PDE1C: variants seen among roughly 807,000 people sequenced by gnomAD.
PDE1C encodes the protein phosphodiesterase 1C.
PDE1C carries 62 observed loss-of-function variants against 93.1 expected under a neutral mutation model. The observed-to-expected ratio is 0.67, with a 90% confidence interval of 0.54 to 0.82. PDE1C has a LOEUF of 0.82. Among genes scored for constraint, PDE1C ranks in the 40% least tolerant of loss-of-function variants. PDE1C has a pLI of 0.00. For missense variants in PDE1C, 742 were observed against 884.6 expected (o/e 0.84, Z 2.04); for synonymous variants, 325 against 310.1 (o/e 1.05, Z -0.50).
At chr7:32,266,962 G>A (rs1011664845) in intron 1 of PDE1C, among the ~76,000 whole-genome samples, 4 of 152,204 alleles carry the variant, frequency 2.6e-5, no homozygotes, top group African/African-American at 9.6e-5. Flanking sequence ...AGAAGATTGG[G>A]TGGAAGCCCC....
chr7:32,282,077 C>T (rs1161898465), intron 1 of PDE1C, among the ~76,000 whole-genome samples: 2 of 150,764 alleles, frequency 1.3e-5, no homozygotes, highest in Admixed American at 6.6e-5. Context: ...TTAATGGGTG[C>T]AGCAAACCAA....
intron 1 of PDE1C, among the ~76,000 whole-genome samples, chr7:32,382,780 T>C (rs911937625): frequency 3.3e-5 from 5 of 152,202 alleles, no homozygotes; most frequent in African/African-American, 1.2e-4. Context: ...TTGAAAAATT[T>C]AGAAACGTTC....
chr7:32,408,697 G>A lies in PDE1C; in HGVS notation c.310+19125C>T, dbSNP rs570364282. 2.6e-5 allele frequency among the ~76,000 whole-genome samples: 4 copies of A among 152,246 alleles called. No homozygotes were observed. The East Asian group carries it at 5.8e-4, about 22-fold the overall frequency. On this transcript the variant is annotated intron_variant, in intron 1 of 1. Coordinates refer to the PDE1C transcript ENST00000672256. ...CCAGCTACTTGGGAGGCTGAGGCAGGAGAATCGCTTGAACCCAGGAGGCGA... is the reference window on the plus strand; with the variant it reads ...CCAGCTACTTGGGAGGCTGAGGCAGAAGAATCGCTTGAACCCAGGAGGCGA...
At chr7:32,261,377 C>A (rs529400052) in intron 1 of PDE1C, among the ~76,000 whole-genome samples, 5 of 152,120 alleles carry the variant, frequency 3.3e-5, no homozygotes, top group Admixed American at 6.5e-5. Context: ...CCATCTCCAA[C>A]CTGACCAATC....
chr7:32,238,776 G>A (rs766811184), intron 1 of PDE1C, among the ~76,000 whole-genome samples: 61 of 152,206 alleles, frequency 4.0e-4, no homozygotes, highest in Non-Finnish European at 8.1e-4. Context: ...TTACAAATTA[G>A]TAGATGCTGG....
chr7:32,060,704 C>T (rs1216202381), intron 1 of PDE1C, among the ~76,000 whole-genome samples: 3 of 134,552 alleles, frequency 2.2e-5, no homozygotes, highest in Non-Finnish European at 3.5e-5. Context: ...GTGCTTTGAA[C>T]GATTCTTTCA....
At chr7:32,390,664 T>A (rs1784733459) in intron 1 of PDE1C, among the ~76,000 whole-genome samples, 1 of 151,274 alleles carries the variant, frequency 6.6e-6, no homozygotes, top group African/African-American at 2.4e-5. Context: ...CTGGGTAACA[T>A]GGCAAAACTT....
At chr7:32,057,995 T>G (rs1318401475) in intron 1 of PDE1C, among the ~76,000 whole-genome samples, 1 of 152,186 alleles carries the variant, frequency 6.6e-6, no homozygotes, top group Admixed American at 6.5e-5. Context: ...GCTGCAATAA[T>G]GAGGTTTATA....
intron 16 of PDE1C, among the ~76,000 whole-genome samples, chr7:31,781,652 G>A (rs1783419157): frequency 6.6e-6 from 1 of 152,038 alleles, no homozygotes; most frequent in African/African-American, 2.4e-5. Flanking sequence ...GCTTCAGGCT[G>A]TGGGAACACT....
chr7:31,763,471 T>C (rs938517145), intron 17 of PDE1C, among the ~76,000 whole-genome samples: 13 of 152,116 alleles, frequency 8.5e-5, no homozygotes, highest in Admixed American at 2.6e-4. Flanking sequence ...AAAAAAACCA[T>C]GGGCTTGGGG....
At chr7:31,682,835 A>C in the PDE1C span, among the ~76,000 whole-genome samples, 2 of 152,212 alleles carry the variant, frequency 1.3e-5, no homozygotes, top group Admixed American at 1.3e-4. Flanking sequence ...ACCTGAATGA[A>C]TCTCCACAGA....
At chr7:32,383,823 C>A (rs1784577065) in intron 1 of PDE1C, among the ~76,000 whole-genome samples, 1 of 152,134 alleles carries the variant, frequency 6.6e-6, no homozygotes, top group Non-Finnish European at 1.5e-5. Context: ...CTGGGTTGAC[C>A]CCTTTGGAGT....
intron 9 of PDE1C, among the ~76,000 whole-genome samples, chr7:31,841,286 T>G (rs1226375622): frequency 6.6e-6 from 1 of 151,714 alleles, no homozygotes; most frequent in Non-Finnish European, 1.5e-5. Context: ...TAATGTTTTT[T>G]ACATTAACCT....
At chr7:32,374,553 G>C (rs1446175271) in intron 1 of PDE1C, among the ~76,000 whole-genome samples, 1 of 152,228 alleles carries the variant, frequency 6.6e-6, no homozygotes, top group Non-Finnish European at 1.5e-5. Context: ...CCAGGCATCA[G>C]AGTGAAAGAG....
the PDE1C span, among the ~76,000 whole-genome samples, chr7:31,651,513 G>A: frequency 6.6e-6 from 1 of 152,142 alleles, no homozygotes; most frequent in Non-Finnish European, 1.5e-5. Flanking sequence ...TTGACAGCAG[G>A]ATGTCTTTAA....
chr7:31,760,023 CT>C (rs1202648716), intron 17 of PDE1C, among the ~76,000 whole-genome samples: 1 of 152,112 alleles, frequency 6.6e-6, no homozygotes, highest in Non-Finnish European at 1.5e-5. Flanking sequence ...TCAAATACAG[CT>C]ATTAGGATTA....
At chr7:32,207,429 A>G (rs974046726) in intron 2 of PDE1C, among the ~76,000 whole-genome samples, 2 of 152,072 alleles carry the variant, frequency 1.3e-5, no homozygotes, top group Non-Finnish European at 2.9e-5. Context: ...CACACCACAC[A>G]ATGAAGGTCA....
chr7:32,298,063 TCCC>T (rs1193436779), intron 1 of PDE1C, among the ~76,000 whole-genome samples: 4 of 36,932 alleles, frequency 1.1e-4, no homozygotes, highest in African/African-American at 1.3e-4. Flanking sequence ...TCTCTCTCTC[TCCC>T]CTCTCTCTCT....
chr7:32,049,184 A>G (rs1793006479), intron 2 of PDE1C, among the ~76,000 whole-genome samples: 1 of 152,228 alleles, frequency 6.6e-6, no homozygotes, highest in African/African-American at 2.4e-5. Flanking sequence ...ACATGCAATT[A>G]CTACCGTGAG....
Sources: allele counts gnomAD v4.1 joint callset (sites outside exome capture counted in the v4.1 genomes callset), GRCh38; gene constraint gnomAD v4.1.1; transcripts MANE v1.5; gene names NCBI Gene and HGNC (gene_info 2026-07-23, HGNC 2026-07-21).